Variants in ARHGAP26 observed in about 807,000 individuals in gnomAD.
ARHGAP26 encodes rho GTPase-activating protein 26.
In ARHGAP26, 38 loss-of-function variants were observed where a neutral mutation model predicts 104.8. The observed-to-expected ratio is 0.36, with a 90% CI of 0.28 to 0.48. The LOEUF is 0.48. Among genes scored for constraint, ARHGAP26 ranks in the 20% least tolerant of loss-of-function variants. ARHGAP26 has a pLI of 0.99. For synonymous variants in ARHGAP26, 341 were observed against 340.0 expected, an observed-to-expected ratio of 1.00 and a Z score of -0.03; for missense variants, 704 against 947.9, an observed-to-expected ratio of 0.74 and a Z score of 3.38.
chr5:142,808,256 A>G (rs1170080106), intron 1 of ARHGAP26, among the ~76,000 whole-genome samples: 12 of 141,112 alleles, frequency 8.5e-5, no homozygotes, highest in African/African-American at 3.3e-4. Flanking sequence ...AAAAAAAAAA[A>G]AAAAAAAAAA....
At chr5:143,074,910 C>T (rs1788770487) in intron 17 of ARHGAP26, among the ~76,000 whole-genome samples, 1 of 152,198 alleles carries the variant, frequency 6.6e-6, no homozygotes, top group African/African-American at 2.4e-5. Context: ...GAGCTCACAG[C>T]CTAGAGGGTA....
intron 21 of ARHGAP26, among the ~76,000 whole-genome samples, chr5:143,209,952 C>T (rs996488495): frequency 1.3e-5 from 2 of 152,134 alleles, no homozygotes; most frequent in African/African-American, 4.8e-5. Flanking sequence ...TTCAGGTCCA[C>T]TGGGGCCTCC....
chr5:143,054,418 ATTGTC>A lies in ARHGAP26; in HGVS notation c.1286-18_1286-14del. ...TTCCATTTTATGCTGTGCTTTATGT[ATTGTC>A]TTTTCTTCATTTTAGACCCCAAGAC... On this transcript the variant is annotated splice_polypyrimidine_tract_variant and intron_variant, in intron 14 of 22. Coordinates refer to ENST00000645722, the MANE Select transcript of ARHGAP26 (RefSeq NM_001135608.3). 1 of 1,575,608 alleles carries A rather than the reference ATTGTC, an allele frequency of 6.3e-7. No homozygotes were observed. Among genetic ancestry groups the A allele is most frequent in the Non-Finnish European group, 8.7e-7 (1 of 1,151,810 alleles).
chr5:142,963,068 T>G (rs920601303), intron 11 of ARHGAP26, among the ~76,000 whole-genome samples: 9 of 151,550 alleles, frequency 5.9e-5, no homozygotes, highest in Admixed American at 1.3e-4. Context: ...TTTCTATTTC[T>G]GCGTTAGTTT....
intron 5 of ARHGAP26, among the ~76,000 whole-genome samples, chr5:142,886,359 A>G (rs1287947369): frequency 6.6e-6 from 1 of 152,216 alleles, no homozygotes; most frequent in Non-Finnish European, 1.5e-5. Flanking sequence ...GTGGAGTTCA[A>G]TCCCCTCCCA....
intron 1 of ARHGAP26, among the ~76,000 whole-genome samples, chr5:142,839,670 A>G (rs534887500): frequency 6.6e-6 from 1 of 152,298 alleles, no homozygotes; most frequent in Admixed American, 6.5e-5. Flanking sequence ...AAGTTCTGGA[A>G]TGAGGCTTTC....
chr5:142,990,041 C>A (rs1037813860), intron 11 of ARHGAP26, among the ~76,000 whole-genome samples: 1 of 152,130 alleles, frequency 6.6e-6, no homozygotes, highest in East Asian at 1.9e-4. Flanking sequence ...TAATATCCTG[C>A]AGAGTGTTTT....
At chr5:142,955,333 A>G (rs1769075473) in intron 11 of ARHGAP26, among the ~76,000 whole-genome samples, 1 of 152,166 alleles carries the variant, frequency 6.6e-6, no homozygotes, top group African/African-American at 2.4e-5. Flanking sequence ...GCCCCACAAA[A>G]CAAAACAAAG....
intron 11 of ARHGAP26, among the ~76,000 whole-genome samples, chr5:142,933,765 C>T (rs950562721): frequency 6.6e-6 from 1 of 152,148 alleles, no homozygotes; most frequent in Non-Finnish European, 1.5e-5. Flanking sequence ...TGGGCCCTGC[C>T]AGGACCCTGG....
chr5:142,919,562 C>T (rs1417977129), intron 10 of ARHGAP26: 1 of 397,316 alleles, frequency 2.5e-6, no homozygotes, highest in Non-Finnish European at 4.4e-6. Context: ...ATGGATAACT[C>T]AACACCTACT....
At chr5:142,888,946 C>A (rs1758097855) in intron 5 of ARHGAP26, among the ~76,000 whole-genome samples, 1 of 152,184 alleles carries the variant, frequency 6.6e-6, no homozygotes, top group African/African-American at 2.4e-5. Flanking sequence ...AAGTGGCAGG[C>A]AGGGAAACTG....
At chr5:142,804,191 T>C (rs1163763700) in intron 1 of ARHGAP26, among the ~76,000 whole-genome samples, 1 of 152,112 alleles carries the variant, frequency 6.6e-6, no homozygotes, top group Admixed American at 6.5e-5. Context: ...AATTTTGACC[T>C]ACAAAAAACG....
chr5:142,854,601 C>G (rs1430374596), intron 1 of ARHGAP26, among the ~76,000 whole-genome samples: 1 of 152,168 alleles, frequency 6.6e-6, no homozygotes, highest in Non-Finnish European at 1.5e-5. Flanking sequence ...GCAAAGGAAA[C>G]TTGACTTGTT....
chr5:143,012,713 G>A (rs1257215176), intron 11 of ARHGAP26, among the ~76,000 whole-genome samples: 2 of 149,036 alleles, frequency 1.3e-5, no homozygotes, highest in African/African-American at 4.9e-5. Context: ...AAGTGCAGTG[G>A]CGTGATCTCG....
intron 6 of ARHGAP26, among the ~76,000 whole-genome samples, chr5:142,897,693 G>A (rs934905606): frequency 4.6e-5 from 7 of 152,326 alleles, no homozygotes; most frequent in African/African-American, 7.2e-5. Context: ...GTCGTGTACC[G>A]TGCTAAGCGC....
intron 11 of ARHGAP26, among the ~76,000 whole-genome samples, chr5:143,009,574 G>GTCA (rs1778451434): frequency 6.6e-6 from 1 of 152,192 alleles, no homozygotes; most frequent in Non-Finnish European, 1.5e-5. Flanking sequence ...CAGGGGTTTT[G>GTCA]TCATCATCAT....
At position 142,779,514 on chromosome 5, in the gene ARHGAP26, T is replaced by C. The variant is rs544357632; in HGVS notation, c.154+8599T>C. ...CCACACCAAACTGTTAACTAGCTGG[T>C]TTCTCTGGGCCAAGCCAGTAGCTAC... On this transcript the variant is annotated intron_variant, in intron 1 of 22. Transcript: ENST00000645722. Among the ~76,000 whole-genome samples, 3 of 152,292 alleles carry C rather than the reference T, an allele frequency of 2.0e-5. No individual in the cohort carries two copies. The East Asian group carries it at 5.8e-4, about 29-fold the overall frequency.
At chr5:142,985,846 T>C (rs13172530) in intron 11 of ARHGAP26, among the ~76,000 whole-genome samples, 83,097 of 151,786 alleles carry the variant, frequency 0.55, 27,004 homozygotes, top group Non-Finnish European at 0.74. Flanking sequence ...TCATCCTTTT[T>C]TATGGCTGCA....
intron 20 of ARHGAP26, among the ~76,000 whole-genome samples, chr5:143,150,152 T>C (rs1799644377): frequency 6.6e-6 from 1 of 152,194 alleles, no homozygotes; most frequent in African/African-American, 2.4e-5. Flanking sequence ...GCTTGACTCC[T>C]GAAGTAGCCA....
Sources: allele counts gnomAD v4.1 joint callset (sites outside exome capture counted in the v4.1 genomes callset), GRCh38; gene constraint gnomAD v4.1.1; transcripts MANE v1.5; gene names NCBI Gene and HGNC (gene_info 2026-07-23, HGNC 2026-07-21).